The following FREM1 variants were observed in gnomAD, a reference collection of about 807,000 sequenced individuals.
FREM1 encodes the protein FRAS1 related extracellular matrix 1, also known as FRAS1-related extracellular matrix protein 1.
In FREM1, 220 loss-of-function variants were observed where a neutral mutation model predicts 210.1. That is an observed-to-expected ratio of 1.05 (90% CI 0.94 to 1.17). The LOEUF (loss-of-function observed/expected upper bound fraction) is 1.17. Among genes scored for constraint, FREM1 ranks in the 50% most tolerant of loss-of-function variants. The probability of loss-of-function intolerance (pLI) is 0.00; values close to 1 mark genes in which losing one functional copy is unlikely to be tolerated. For synonymous variants in FREM1, 1,189 were observed against 980.2 expected (o/e 1.21, Z -3.98); for missense variants, 3,454 against 2,675.5 (o/e 1.29, Z -6.42).
intron 20 of FREM1, among the ~76,000 whole-genome samples, chr9:14,799,912 G>C (rs77618830): frequency 0.029 from 4,396 of 149,620 alleles, 87 homozygotes; most frequent in Non-Finnish European, 0.037. Flanking sequence ...TCATCATTTC[G>C]CACTAGATAT....
chr9:14,798,411 G>T (rs1230409799), intron 20 of FREM1, among the ~76,000 whole-genome samples: 1 of 152,052 alleles, frequency 6.6e-6, no homozygotes, highest in African/African-American at 2.4e-5. Context: ...AGGAGTTCGA[G>T]GCCAGTTCGG....
intron 1 of FREM1, among the ~76,000 whole-genome samples, chr9:14,908,073 G>C (rs937986898): frequency 6.6e-6 from 1 of 152,112 alleles, no homozygotes; most frequent in Admixed American, 6.6e-5. Context: ...AATGAGGAAA[G>C]AAAAGAAAGC....
At chr9:14,746,081 G>C (rs1397412326) in intron 35 of FREM1, among the ~76,000 whole-genome samples, 2 of 152,160 alleles carry the variant, frequency 1.3e-5, no homozygotes, top group African/African-American at 2.4e-5. Context: ...CAATGGTGCA[G>C]CTTTAACAGA....
At chr9:14,887,850 T>G (rs1836088639) in intron 1 of FREM1, among the ~76,000 whole-genome samples, 1 of 152,178 alleles carries the variant, frequency 6.6e-6, no homozygotes, top group Non-Finnish European at 1.5e-5. Flanking sequence ...CATAATGGAG[T>G]GCAGTGGCAC....
intron 22 of FREM1, among the ~76,000 whole-genome samples, chr9:14,789,902 T>C (rs1297648423): frequency 6.6e-6 from 1 of 152,178 alleles, no homozygotes; most frequent in Non-Finnish European, 1.5e-5. Context: ...AATCCTATTA[T>C]TGTTCATTTA....
chr9:14,750,885 C>T (rs1843245395), intron 29 of FREM1, among the ~76,000 whole-genome samples: 1 of 152,010 alleles, frequency 6.6e-6, no homozygotes, highest in South Asian at 2.1e-4. Context: ...CAATTTTTTC[C>T]CTCTTTCTGG....
At chr9:14,903,082 G>A (rs1025446990) in intron 1 of FREM1, among the ~76,000 whole-genome samples, 1 of 152,174 alleles carries the variant, frequency 6.6e-6, no homozygotes, top group East Asian at 1.9e-4. Context: ...AGCACCTCCA[G>A]CAGCAGCTTT....
At position 14,868,749 on chromosome 9, in the gene FREM1, G is replaced by C. The variant is rs1236850758; in HGVS notation, c.229C>G (p.Pro77Ala). The stretch of plus-strand genomic sequence containing the variant: ...AAATCGCAGATAGGACCTACCTGTG[G>C]AGTGAGTTTCCCAACCCTCTGGGTT... ...PITQRVGKLT[P>A]QVFDCHFLPN... Residue 77 changes from proline (P) to alanine (A), a missense_variant, in exon 2 of 37, where the codon CCA (proline) becomes GCA (alanine). Physicochemically the swap from Pro to Ala is conservative, Grantham distance 27. Coordinates refer to ENST00000380880, the MANE Select transcript of FREM1 (RefSeq NM_001379081.2). 4 of 1,604,284 alleles carry C rather than the reference G, an allele frequency of 2.5e-6. No homozygotes were observed. The highest frequency in any genetic ancestry group is 4.5e-5 in the East Asian group (2 of 44,780).
At chr9:14,785,305 C>G (rs1482100019) in intron 23 of FREM1, among the ~76,000 whole-genome samples, 1 of 152,140 alleles carries the variant, frequency 6.6e-6, no homozygotes, top group African/African-American at 2.4e-5. Flanking sequence ...AGTTTATTAA[C>G]ATTCATTAGT....
intron 1 of FREM1, among the ~76,000 whole-genome samples, chr9:14,875,928 G>C (rs1357789573): frequency 6.6e-6 from 1 of 152,230 alleles, no homozygotes; most frequent in Non-Finnish European, 1.5e-5. Context: ...GCTGGAGTTT[G>C]CTAGAGGTCC....
intron 28 of FREM1, among the ~76,000 whole-genome samples, chr9:14,758,628 G>T (rs1020168678): frequency 6.6e-6 from 1 of 150,494 alleles, no homozygotes; most frequent in East Asian, 2.0e-4. Context: ...TAATAGAAAT[G>T]GCCTTTTCCC....
intron 2 of FREM1, among the ~76,000 whole-genome samples, chr9:14,865,484 TAATGA>T (rs951375000): frequency 1.3e-5 from 2 of 152,236 alleles, no homozygotes; most frequent in Admixed American, 1.3e-4. Flanking sequence ...CAAACTTCAG[TAATGA>T]AATGAAAACA....
chr9:14,834,145 A>C (rs1435145243), intron 10 of FREM1, among the ~76,000 whole-genome samples: 3 of 152,212 alleles, frequency 2.0e-5, no homozygotes, highest in African/African-American at 7.2e-5. Flanking sequence ...GATGGCTAAT[A>C]GTAGTTATAA....
At chr9:14,878,315 A>G (rs1834149269) in intron 1 of FREM1, among the ~76,000 whole-genome samples, 1 of 151,726 alleles carries the variant, frequency 6.6e-6, no homozygotes, top group Admixed American at 6.6e-5. Context: ...ACAAATCAAG[A>G]TCCATTCCTC....
chr9:14,746,333 T>C lies in FREM1; in HGVS notation c.6254+20A>G, dbSNP rs1288223696. The C allele has an allele frequency of 6.6e-7, 1 of 1,509,960 alleles. No homozygotes were observed. Among genetic ancestry groups the C allele is most frequent in the East Asian group, 2.3e-5 (1 of 44,038 alleles). The allele number at this position is 1,509,960 out of a possible 1,614,324, so 93.5% of individuals were successfully genotyped here. ...TAGAGAAAAGAAAACACCAATCAAATGTGCAATAGGGTGCCTTACTGTTCC... is the reference window on the plus strand; with the variant it reads ...TAGAGAAAAGAAAACACCAATCAAACGTGCAATAGGGTGCCTTACTGTTCC... On this transcript the variant is annotated intron_variant, in intron 35 of 36. Transcript: ENST00000380880.
chr9:14,827,335 G>A (rs1822658466), intron 10 of FREM1, among the ~76,000 whole-genome samples: 1 of 152,208 alleles, frequency 6.6e-6, no homozygotes, highest in African/African-American at 2.4e-5. Flanking sequence ...AAGTGGCAAA[G>A]AACTTGGCTA....
At chr9:14,910,954 T>C (rs1043023613), upstream of FREM1, 1 of 152,246 alleles carries the variant, frequency 6.6e-6, no homozygotes, top group African/African-American at 2.4e-5. Flanking sequence ...GTGCTGTTTT[T>C]AAGTACCACC....
intron 30 of FREM1, 119 bp from the exon 31 acceptor site, chr9:14,748,758 G>C (rs1563826185): frequency 1.5e-6 from 1 of 679,832 alleles, no homozygotes; most frequent in African/African-American, 1.8e-5. Context: ...TTTCCCACCA[G>C]ATGTTGCCTT....
rs757510886 is a variant in FREM1 at position 14,776,203 on chromosome 9, T to C, written c.4443A>G (p.Arg1481=). The C allele has an allele frequency of 6.6e-7, 1 of 1,516,596 alleles. No individual in the cohort carries two copies. Among genetic ancestry groups the C allele is most frequent in the Non-Finnish European group, 8.8e-7 (1 of 1,133,058 alleles). The allele number at this position is 1,516,596 out of a possible 1,614,324, so 93.9% of individuals were successfully genotyped here. ...SKVTVSSDRF[R]FIISNGLRTE... ...TCCGCAGTCCATTGCTGATGATGAATCTGGTAAAGAGAGGCAAGGCAGCCT... is the reference window on the plus strand; with the variant it reads ...TCCGCAGTCCATTGCTGATGATGAACCTGGTAAAGAGAGGCAAGGCAGCCT... Residue 1481 remains arginine (R), a splice_region_variant and synonymous_variant, in exon 25 of 37, where the codon AGA becomes AGG. Coordinates refer to ENST00000380880, the MANE Select transcript of FREM1 (RefSeq NM_001379081.2).
Sources: allele counts gnomAD v4.1 joint callset (sites outside exome capture counted in the v4.1 genomes callset), GRCh38; gene constraint gnomAD v4.1.1; transcripts MANE v1.5; gene names NCBI Gene and HGNC (gene_info 2026-07-23, HGNC 2026-07-21).